The following MGMT variants were observed in gnomAD, a reference collection of about 807,000 sequenced individuals.
The protein encoded by MGMT is O-6-methylguanine-DNA methyltransferase, also known as methylated-DNA--protein-cysteine methyltransferase.
In MGMT, 14 loss-of-function variants were observed where a neutral mutation model predicts 15.9. The observed-to-expected ratio is 0.88, with a 90% CI of 0.58 to 1.37. The LOEUF is 1.37. MGMT is among the 40% of genes most tolerant of loss of function. MGMT has a pLI of 0.00. For missense variants in MGMT, 282 were observed against 268.1 expected, an observed-to-expected ratio of 1.05 and a Z score of -0.36; for synonymous variants, 130 against 118.2, an observed-to-expected ratio of 1.10 and a Z score of -0.65.
chr10:129,714,215 A>G (rs1848267284), intron 3 of MGMT, among the ~76,000 whole-genome samples: 1 of 152,230 alleles, frequency 6.6e-6, no homozygotes, highest in Non-Finnish European at 1.5e-5. Context: ...ACAGCGAAGC[A>G]CACCACTCTC....
At chr10:129,696,053 G>A (rs1232742122) in intron 2 of MGMT, among the ~76,000 whole-genome samples, 1 of 152,148 alleles carries the variant, frequency 6.6e-6, no homozygotes, top group Non-Finnish European at 1.5e-5. Flanking sequence ...GCCTGCTGGT[G>A]TCTGCTGTGT....
intron 2 of MGMT, among the ~76,000 whole-genome samples, chr10:129,617,993 C>T (rs563671221): frequency 2.0e-5 from 3 of 152,122 alleles, no homozygotes; most frequent in South Asian, 4.2e-4. Context: ...ATATACCCTC[C>T]TGGGTGTGAA....
intron 2 of MGMT, among the ~76,000 whole-genome samples, chr10:129,622,502 C>A (rs1252281039): frequency 1.3e-5 from 2 of 152,192 alleles, no homozygotes; most frequent in Non-Finnish European, 2.9e-5. Context: ...TCTCATCTTT[C>A]CTCTTTGAAT....
chr10:129,729,864 A>C (rs896202599), intron 3 of MGMT, among the ~76,000 whole-genome samples: 1 of 152,220 alleles, frequency 6.6e-6, no homozygotes, highest in African/African-American at 2.4e-5. Context: ...AGACCAGCTC[A>C]AGGAGCCACC....
chr10:129,471,375 G>A (rs1180453406), intron 1 of MGMT, among the ~76,000 whole-genome samples: 2 of 152,166 alleles, frequency 1.3e-5, no homozygotes, highest in Non-Finnish European at 2.9e-5. Flanking sequence ...ATTATATGTT[G>A]AAATGCAATA....
intron 1 of MGMT, among the ~76,000 whole-genome samples, chr10:129,492,733 C>T (rs1175939674): frequency 6.6e-6 from 1 of 152,170 alleles, no homozygotes; most frequent in East Asian, 1.9e-4. Context: ...TCCCAGTCCC[C>T]CTAGTCCTGG....
At chr10:129,732,669 C>G (rs188437781) in intron 3 of MGMT, among the ~76,000 whole-genome samples, 2,270 of 148,226 alleles carry the variant, frequency 0.015, 64 homozygotes, top group African/African-American at 0.054. Flanking sequence ...AACTCGTCAT[C>G]TAGCATTAGG....
At chr10:129,505,282 A>G (rs1845614375) in intron 1 of MGMT, among the ~76,000 whole-genome samples, 1 of 152,188 alleles carries the variant, frequency 6.6e-6, no homozygotes, top group Non-Finnish European at 1.5e-5. Context: ...TAAACTGTAT[A>G]TTATTATGAT....
intron 1 of MGMT, among the ~76,000 whole-genome samples, chr10:129,487,296 G>A (rs1049985315): frequency 6.6e-6 from 1 of 152,118 alleles, no homozygotes; most frequent in African/African-American, 2.4e-5. Flanking sequence ...AGTTTTTCAA[G>A]TAGGACTCTG....
At chr10:129,683,208 T>G (rs1211321421) in intron 2 of MGMT, among the ~76,000 whole-genome samples, 1 of 152,184 alleles carries the variant, frequency 6.6e-6, no homozygotes, top group Admixed American at 6.5e-5. Context: ...TTGGCTTTGC[T>G]GCTGTGAGTC....
intron 3 of MGMT, among the ~76,000 whole-genome samples, chr10:129,720,259 A>G (rs1029309502): frequency 6.6e-6 from 1 of 152,204 alleles, no homozygotes; most frequent in Non-Finnish European, 1.5e-5. Context: ...GCCACAATAA[A>G]TGGCTGCCTG....
intron 2 of MGMT, among the ~76,000 whole-genome samples, chr10:129,626,040 T>A (rs1446250075): frequency 6.6e-6 from 1 of 152,240 alleles, no homozygotes; most frequent in Non-Finnish European, 1.5e-5. Flanking sequence ...TGCTTGCCAG[T>A]TAGGGGAACC....
At chr10:129,515,603 G>A (rs563308538) in intron 1 of MGMT, among the ~76,000 whole-genome samples, 1 of 152,310 alleles carries the variant, frequency 6.6e-6, no homozygotes, top group South Asian at 2.1e-4. Context: ...CTGAGCGCGG[G>A]GCAGTTTCTG....
In MGMT at chr10:129,704,087, C is replaced by T. The variant is rs189783831; in HGVS notation, c.126-3808C>T. Among the ~76,000 whole-genome samples the T allele has an allele frequency of 2.2e-3, 329 of 152,244 alleles. 1 individual carries two copies. The highest frequency in any genetic ancestry group is 2.6e-3 in the Non-Finnish European group (178 of 68,026). ...CAAAGTACATTACATATTTCTCCATCGTTCTTCTTAGATAGCATCAGTACA... is the reference window on the plus strand; with the variant it reads ...CAAAGTACATTACATATTTCTCCATTGTTCTTCTTAGATAGCATCAGTACA... On this transcript the variant is annotated intron_variant, in intron 2 of 4. Transcript: ENST00000651593.
intron 1 of MGMT, among the ~76,000 whole-genome samples, chr10:129,513,593 C>G (rs1029089529): frequency 1.3e-5 from 2 of 152,100 alleles, no homozygotes; most frequent in African/African-American, 2.4e-5. Context: ...CGTGACCCCG[C>G]GGCTCCTCTT....
intron 1 of MGMT, among the ~76,000 whole-genome samples, chr10:129,505,144 AT>A (rs1242319088): frequency 1.3e-5 from 2 of 152,184 alleles, no homozygotes; most frequent in African/African-American, 4.8e-5. Context: ...CTCAGGAAAA[AT>A]ATAACTAGTA....
At chr10:129,552,273 C>T (rs1279137056) in intron 2 of MGMT, among the ~76,000 whole-genome samples, 1 of 152,188 alleles carries the variant, frequency 6.6e-6, no homozygotes, top group East Asian at 1.9e-4. Flanking sequence ...CTGTGGCGCT[C>T]CAGCTGCTGG....
intron 2 of MGMT, among the ~76,000 whole-genome samples, chr10:129,646,748 A>ATTT (rs1229950159): frequency 9.4e-5 from 6 of 63,642 alleles, no homozygotes; most frequent in African/African-American, 1.6e-4. Flanking sequence ...ATATATATAT[A>ATTT]TATATATTTT....
Position 129,659,649 on chromosome 10 carries a change from CTG to C in MGMT, c.126-48241_126-48240del, listed in dbSNP as rs900761721. On this transcript the variant is annotated intron_variant, in intron 2 of 4. Transcript: ENST00000651593. The surrounding 1 kb of genome is among the most constrained non-coding windows in gnomAD (Gnocchi z 4.1). ...GTACAAAGGCCCTGAAGATGAATGA[CTG>C]TGTGAAATTTTGAAGAGCAGTTTAG... 2.0e-5 allele frequency among the ~76,000 whole-genome samples: 3 copies of C among 152,218 alleles called. No individual in the cohort carries two copies. The highest frequency in any genetic ancestry group is 6.5e-5 in the Admixed American group (1 of 15,282).
Sources: allele counts gnomAD v4.1 joint callset (sites outside exome capture counted in the v4.1 genomes callset), GRCh38; gene constraint gnomAD v4.1.1; non-coding constraint Gnocchi (gnomAD v3.1); transcripts MANE v1.5; gene names NCBI Gene and HGNC (gene_info 2026-07-23, HGNC 2026-07-21).